Variants in GARNL3 observed in about 807,000 individuals in gnomAD.
GARNL3 encodes GTPase-activating Rap/Ran-GAP domain-like protein 3.
A neutral mutation model predicts 125.0 loss-of-function variants in GARNL3; 63 were observed. The observed-to-expected ratio is 0.50, with a 90% confidence interval of 0.41 to 0.62. The LOEUF is 0.62. GARNL3 is among the 20% of genes least tolerant of loss of function. The pLI is 0.00. For synonymous variants in GARNL3, 439 were observed against 457.5 expected (o/e 0.96, Z 0.52); for missense variants, 994 against 1,244.0 (o/e 0.80, Z 3.02).
intron 12 of GARNL3, among the ~76,000 whole-genome samples, chr9:127,339,031 C>T (rs890684111): frequency 6.6e-6 from 1 of 152,174 alleles, no homozygotes; most frequent in Non-Finnish European, 1.5e-5. Context: ...GGCGTGGTGG[C>T]TCATGCCTGT....
chr9:127,286,819 G>T (rs1480254329), intron 1 of GARNL3, among the ~76,000 whole-genome samples: 2 of 152,140 alleles, frequency 1.3e-5, no homozygotes, highest in African/African-American at 4.8e-5. Flanking sequence ...TAGGATCAAT[G>T]ATTATTCTCT....
intron 2 of GARNL3, among the ~76,000 whole-genome samples, chr9:127,255,931 G>C (rs1174991851): frequency 6.6e-6 from 1 of 152,154 alleles, no homozygotes; most frequent in African/African-American, 2.4e-5. Flanking sequence ...ATCCCTTCAA[G>C]GTCTGGGCAC....
chr9:127,299,556 T>TTTTTTG (rs949889842), intron 2 of GARNL3, among the ~76,000 whole-genome samples: 5 of 151,910 alleles, frequency 3.3e-5, no homozygotes, highest in South Asian at 4.2e-4. Flanking sequence ...CCTGGCTAAT[T>TTTTTTG]TTTTTGTTTT....
At chr9:127,362,083 T>C (rs1055900801) in intron 21 of GARNL3, 3 of 150,310 alleles carry the variant, frequency 2.0e-5, no homozygotes, top group Non-Finnish European at 3.0e-5. Context: ...TTTTTTTTTT[T>C]TTTTTGAGAC....
intron 1 of GARNL3, among the ~76,000 whole-genome samples, chr9:127,274,795 G>A (rs1288240449): frequency 2.6e-5 from 4 of 152,104 alleles, no homozygotes; most frequent in African/African-American, 4.8e-5. Flanking sequence ...AACTGAACAC[G>A]CCACTTACCT....
At chr9:127,251,275 T>C (rs530148640) in intron 2 of GARNL3, among the ~76,000 whole-genome samples, 2 of 152,346 alleles carry the variant, frequency 1.3e-5, no homozygotes, top group Non-Finnish European at 2.9e-5. Context: ...TAAATGTTCT[T>C]AGTTCAAATA....
chr9:127,358,692 A>G (rs1356112220), intron 21 of GARNL3, among the ~76,000 whole-genome samples: 4 of 152,120 alleles, frequency 2.6e-5, no homozygotes, highest in Non-Finnish European at 5.9e-5. Flanking sequence ...CATTTCTCTT[A>G]TCTATATTGG....
intron 2 of GARNL3, among the ~76,000 whole-genome samples, chr9:127,295,176 C>G (rs1364623791): frequency 6.6e-6 from 1 of 152,240 alleles, no homozygotes; most frequent in East Asian, 1.9e-4. Context: ...TGGACAGTTT[C>G]ATGAGATGAA....
intron 2 of GARNL3, among the ~76,000 whole-genome samples, chr9:127,299,859 C>T (rs967117580): frequency 1.3e-5 from 2 of 152,078 alleles, no homozygotes; most frequent in African/African-American, 4.8e-5. Flanking sequence ...GCCACCGTGC[C>T]CAGCCAATTT....
chr9:127,325,852 TG>T (rs2065553728), intron 7 of GARNL3, among the ~76,000 whole-genome samples: 1 of 152,194 alleles, frequency 6.6e-6, no homozygotes. Context: ...CCCTCTCTTC[TG>T]GTTTCCAGAT....
At chr9:127,344,183 G>A in intron 14 of GARNL3, 52 bp from the exon 15 acceptor site, 7 of 1,285,322 alleles carry the variant, frequency 5.4e-6, no homozygotes, top group Non-Finnish European at 7.8e-6. Context: ...GAAGCCAAAA[G>A]ATGAGACTTA....
chr9:127,264,136 CTG>C (rs1214492821), upstream of GARNL3: 14 of 580,366 alleles, frequency 2.4e-5, no homozygotes, highest in African/African-American at 1.3e-4. Flanking sequence ...CTTATTAAAA[CTG>C]TTTATATTTT....
rs1323173487 is a variant in GARNL3 at position 127,291,197 on chromosome 9, C to T, written c.174C>T (p.Ile58=). ...LLISSDADGA[I]QRAGRFRVEN... is the part of the protein sequence containing the mutation. ...TTTCCAGTGATGCTGATGGAGCCAT[C>T]CAAAGGGCTGGAAGATTCAGAGTGG... The change falls in exon 2 of 28, where the codon ATC becomes ATT. Residue 58 remains isoleucine, a synonymous_variant. Transcript: ENST00000373387. 6.2e-7 allele frequency: 1 copy of T among 1,614,118 alleles called. No individual in the cohort carries two copies.
chr9:127,381,396 A>T (rs1194454759), intron 22 of GARNL3, among the ~76,000 whole-genome samples: 1 of 152,168 alleles, frequency 6.6e-6, no homozygotes, highest in Non-Finnish European at 1.5e-5. Context: ...GAAATTAGAA[A>T]TGTGATTCTA....
At chr9:127,343,283 C>T (rs753509416) in intron 14 of GARNL3, among the ~76,000 whole-genome samples, 4 of 152,084 alleles carry the variant, frequency 2.6e-5, no homozygotes, top group Non-Finnish European at 5.9e-5. Flanking sequence ...CAGGCTAACC[C>T]CAGGACCCTA....
rs1254006919 is a variant in GARNL3 at position 127,278,516 on chromosome 9, C to A, written c.145-12652C>A. Among the ~76,000 whole-genome samples the A allele has an allele frequency of 3.3e-5, 5 of 152,158 alleles. No individual in the cohort carries two copies. In the South Asian group the frequency reaches 8.3e-4, roughly 25 times the overall value. Reference sequence around the variant, plus strand: ...GTACATGAGGGTATCTTTTCTTAATCATTACATATCTGAGCATGTCTCTGA... The same window carrying A: ...GTACATGAGGGTATCTTTTCTTAATAATTACATATCTGAGCATGTCTCTGA... On this transcript the variant is annotated intron_variant, in intron 1 of 27. Transcript: ENST00000373387.
intron 3 of GARNL3, 140 bp from the exon 4 acceptor site, chr9:127,313,301 C>G: frequency 1.4e-6 from 1 of 709,420 alleles, no homozygotes; most frequent in Non-Finnish European, 2.6e-6. Context: ...CGAGAGAGAT[C>G]AGGGTCCATC....
intron 4 of GARNL3, among the ~76,000 whole-genome samples, chr9:127,313,881 GCCT>G (rs1410555448): frequency 1.3e-5 from 2 of 151,756 alleles, no homozygotes; most frequent in East Asian, 3.9e-4. Flanking sequence ...CAATTTTTTT[GCCT>G]CCTCCTGCTC....
chr9:127,238,969 G>A (rs1001747882), intron 1 of GARNL3, among the ~76,000 whole-genome samples: 3 of 152,260 alleles, frequency 2.0e-5, no homozygotes, highest in East Asian at 3.9e-4. Flanking sequence ...CTGAGCTTGA[G>A]GTCTGGCCTC....
Sources: gnomAD v4.1 joint callset for allele counts (sites outside exome capture counted in the v4.1 genomes callset) on GRCh38, gnomAD v4.1.1 for gene constraint, MANE v1.5 for transcripts, NCBI Gene and HGNC (gene_info 2026-07-23, HGNC 2026-07-21) for gene names.